Variants in CA10 observed in about 807,000 individuals in gnomAD.
CA10 encodes the protein carbonic anhydrase-related protein 10.
A neutral mutation model predicts 44.2 loss-of-function variants in CA10; 14 were observed. The ratio of observed to expected loss-of-function variants is 0.32; its 90% confidence interval spans 0.21 to 0.50. The LOEUF (loss-of-function observed/expected upper bound fraction) is 0.50. Among genes scored for constraint, CA10 ranks in the 20% least tolerant of loss-of-function variants. The pLI is 0.99. For missense variants in CA10, 350 were observed against 409.7 expected, an observed-to-expected ratio of 0.85 and a Z score of 1.26; for synonymous variants, 159 against 141.6, an observed-to-expected ratio of 1.12 and a Z score of -0.87.
intron 2 of CA10, 96 bp from the exon 3 acceptor site, chr17:51,931,228 G>A: frequency 1.6e-6 from 2 of 1,216,776 alleles, no homozygotes; most frequent in Non-Finnish European, 2.3e-6. Context: ...TAAAATGGAA[G>A]AGAACCACCA....
intron 2 of CA10, among the ~76,000 whole-genome samples, chr17:52,011,933 C>A (rs1324279470): frequency 1.3e-5 from 2 of 152,086 alleles, no homozygotes; most frequent in East Asian, 3.9e-4. Flanking sequence ...TGTTTTAATG[C>A]AATCCACAGA....
intron 4 of CA10, among the ~76,000 whole-genome samples, chr17:51,687,959 A>G (rs1567803514): frequency 1.3e-5 from 2 of 152,160 alleles, no homozygotes; most frequent in Non-Finnish European, 2.9e-5. Flanking sequence ...GAACTGTGAA[A>G]CCAACAGGAT....
chr17:52,151,597 C>G (rs567160537), intron 1 of CA10, among the ~76,000 whole-genome samples: 1 of 151,916 alleles, frequency 6.6e-6, no homozygotes, highest in African/African-American at 2.4e-5. Context: ...AGTTTGCTGT[C>G]GATACGTCTT....
chr17:51,704,516 G>T (rs1915701362), intron 4 of CA10, among the ~76,000 whole-genome samples: 1 of 152,232 alleles, frequency 6.6e-6, no homozygotes, highest in Non-Finnish European at 1.5e-5. Flanking sequence ...TTCATGGTCA[G>T]ATATGCTAAG....
At chr17:52,107,504 T>C (rs1988686148) in intron 1 of CA10, among the ~76,000 whole-genome samples, 1 of 152,312 alleles carries the variant, frequency 6.6e-6, no homozygotes, top group South Asian at 2.1e-4. Flanking sequence ...CTGAAACTAT[T>C]GTCTCCACAT....
chr17:51,908,793 A>G (rs1348326472), intron 3 of CA10, among the ~76,000 whole-genome samples: 1 of 152,192 alleles, frequency 6.6e-6, no homozygotes, highest in Non-Finnish European at 1.5e-5. Flanking sequence ...TAAAACCCAG[A>G]GCGTCACCAC....
chr17:52,021,179 G>A (rs752828985), intron 2 of CA10, among the ~76,000 whole-genome samples: 17 of 151,934 alleles, frequency 1.1e-4, no homozygotes, highest in East Asian at 3.9e-4. Flanking sequence ...GAATTAAAGC[G>A]AATCACAGAA....
intron 1 of CA10, among the ~76,000 whole-genome samples, chr17:52,113,340 C>T (rs1358488180): frequency 1.3e-5 from 2 of 152,182 alleles, no homozygotes; most frequent in Admixed American, 6.5e-5. Flanking sequence ...CTCTCTTTCA[C>T]TTCCTTTCCA....
At chr17:51,653,152 C>T (rs553018170) in intron 5 of CA10, among the ~76,000 whole-genome samples, 18 of 152,002 alleles carry the variant, frequency 1.2e-4, no homozygotes, top group Admixed American at 3.3e-4. Flanking sequence ...AACGGGAGAG[C>T]GAGAGAGAAA....
At chr17:51,735,065 A>T (rs910495751) in intron 4 of CA10, among the ~76,000 whole-genome samples, 17 of 152,308 alleles carry the variant, frequency 1.1e-4, no homozygotes, top group Non-Finnish European at 2.2e-4. Flanking sequence ...TCTTAGAATA[A>T]GGGTTTCAGG....
At chr17:51,916,796 A>G (rs2143963653) in intron 3 of CA10, among the ~76,000 whole-genome samples, 1 of 152,276 alleles carries the variant, frequency 6.6e-6, no homozygotes, top group African/African-American at 2.4e-5. Context: ...CCTGCCCCTC[A>G]TCTTTGGAAT....
chr17:51,833,232 G>A (rs934307178), intron 3 of CA10, among the ~76,000 whole-genome samples: 4 of 152,140 alleles, frequency 2.6e-5, no homozygotes, highest in East Asian at 3.9e-4. Context: ...AAGGGGAGCC[G>A]GCTGGCCATT....
chr17:51,746,049 T>TAC (rs1402681036), intron 4 of CA10, among the ~76,000 whole-genome samples: 1 of 152,216 alleles, frequency 6.6e-6, no homozygotes, highest in African/African-American at 2.4e-5. Flanking sequence ...AGCCTGGCAT[T>TAC]ACAATGCCTT....
At chr17:52,059,174 A>G (rs1271628982) in intron 2 of CA10, among the ~76,000 whole-genome samples, 1 of 152,142 alleles carries the variant, frequency 6.6e-6, no homozygotes, top group East Asian at 1.9e-4. Context: ...ACAAACACTG[A>G]TATTGAGAAC....
intron 3 of CA10, among the ~76,000 whole-genome samples, chr17:51,765,601 C>T (rs77803769): frequency 0.011 from 1,691 of 152,020 alleles, 34 homozygotes; most frequent in African/African-American, 0.038. Flanking sequence ...ATTAATGCAG[C>T]GATCTCCATT....
intron 3 of CA10, among the ~76,000 whole-genome samples, chr17:51,902,287 G>A (rs1981350292): frequency 6.6e-6 from 1 of 152,122 alleles, no homozygotes; most frequent in South Asian, 2.1e-4. Flanking sequence ...GCAGAATTCA[G>A]CAAAAGAGAA....
At chr17:51,659,706 A>G (rs998629945) in intron 4 of CA10, among the ~76,000 whole-genome samples, 2 of 152,190 alleles carry the variant, frequency 1.3e-5, no homozygotes, top group African/African-American at 4.8e-5. Context: ...CAGCAGAAAC[A>G]ACTCATTTAA....
intron 2 of CA10, among the ~76,000 whole-genome samples, chr17:51,961,988 C>A (rs1983910470): frequency 6.6e-6 from 1 of 152,070 alleles, no homozygotes; most frequent in African/African-American, 2.4e-5. Context: ...GTCAAAGCAC[C>A]AAGTCACCTC....
chr17:52,108,196 A>T (rs1251220293), intron 1 of CA10, among the ~76,000 whole-genome samples: 1 of 19,248 alleles, frequency 5.2e-5, no homozygotes, highest in Non-Finnish European at 7.0e-5. Context: ...TATATTTTTT[A>T]TATATATATA....
Sources: gnomAD v4.1 joint callset for allele counts (sites outside exome capture counted in the v4.1 genomes callset) on GRCh38, gnomAD v4.1.1 for gene constraint, MANE v1.5 for transcripts, NCBI Gene and HGNC (gene_info 2026-07-23, HGNC 2026-07-21) for gene names.